The following SLC25A37 variants were observed in gnomAD, a reference collection of about 807,000 sequenced individuals.
SLC25A37 encodes mitoferrin-1.
SLC25A37 carries 17 observed loss-of-function variants against 31.0 expected under a neutral mutation model. That is an observed-to-expected ratio of 0.55 (90% confidence interval 0.38 to 0.82). The LOEUF (loss-of-function observed/expected upper bound fraction) is 0.82. Among genes scored for constraint, SLC25A37 ranks in the 40% least tolerant of loss-of-function variants. The probability of loss-of-function intolerance (pLI) is 0.00; values close to 1 mark genes in which losing one functional copy is unlikely to be tolerated. For missense variants in SLC25A37, 404 were observed against 465.8 expected (o/e 0.87, Z 1.22); for synonymous variants, 222 against 193.0 (o/e 1.15, Z -1.24).
intron 1 of SLC25A37, among the ~76,000 whole-genome samples, chr8:23,533,031 C>T (rs1365626833): frequency 1.3e-5 from 2 of 152,130 alleles, no homozygotes; most frequent in African/African-American, 2.4e-5. Flanking sequence ...TCTCCTCTCC[C>T]TCACATCCCC....
chr8:23,573,009 T>C lies in SLC25A37; in HGVS notation c.*1154T>C, dbSNP rs1020594596. 3.9e-5 allele frequency: 6 copies of C among 152,332 alleles called. No individual in the cohort carries two copies. Among genetic ancestry groups the C allele is most frequent in the South Asian group, 2.1e-4 (1 of 4,836 alleles). 9.4% of individuals were successfully genotyped at this position (152,332 alleles called of 1,614,324 possible). A position where few individuals can be genotyped will look rare whatever the true frequency, so the allele number is the denominator to read the frequency against. On this transcript the variant is annotated 3_prime_UTR_variant, in exon 4 of 4. Transcript: ENST00000519973. ...CAGGCACTTCAGGTAACGTGATCTA[T>C]GTGTGTTTTGACTGAATCTCATCTC... is the stretch of plus-strand genomic sequence containing the variant.
intron 1 of SLC25A37, among the ~76,000 whole-genome samples, chr8:23,561,517 A>C (rs1174956338): frequency 6.6e-6 from 1 of 152,234 alleles, no homozygotes. Context: ...CGATTATTCC[A>C]GCCAAGGATG....
intron 1 of SLC25A37, among the ~76,000 whole-genome samples, chr8:23,532,158 T>G (rs533412548): frequency 6.6e-5 from 10 of 152,346 alleles, no homozygotes; most frequent in Admixed American, 5.9e-4. Context: ...GGAAGACCTT[T>G]GGCAACTTTC....
chr8:23,556,349 T>C (rs1318114445), intron 1 of SLC25A37, among the ~76,000 whole-genome samples: 1 of 151,442 alleles, frequency 6.6e-6, no homozygotes. Context: ...GCCTCCCAAG[T>C]AGCTAAGACC....
intron 1 of SLC25A37, among the ~76,000 whole-genome samples, chr8:23,565,477 CTTGCTT>C (rs1802628543): frequency 7.9e-6 from 1 of 127,366 alleles, no homozygotes; most frequent in African/African-American, 2.5e-5. Context: ...TCTTAACAAA[CTTGCTT>C]TTACTTAAAA....
intron 2 of SLC25A37, 181 bp downstream of exon 2, chr8:23,566,517 C>T (rs1473436481): frequency 7.3e-7 from 1 of 1,361,062 alleles, no homozygotes; most frequent in Non-Finnish European, 9.4e-7. Flanking sequence ...CGCGCGCGCA[C>T]ACACATGCTT....
At chr8:23,530,739 T>C (rs1330018041) in intron 1 of SLC25A37, among the ~76,000 whole-genome samples, 1 of 152,246 alleles carries the variant, frequency 6.6e-6, no homozygotes, top group Non-Finnish European at 1.5e-5. Flanking sequence ...GGAGGTGTTA[T>C]CTGAGCAGGC....
chr8:23,545,080 C>T (rs1214957677), intron 1 of SLC25A37, among the ~76,000 whole-genome samples: 3 of 152,218 alleles, frequency 2.0e-5, no homozygotes, highest in Admixed American at 6.5e-5. Context: ...AAAACATGCT[C>T]ATGTGACGTG....
rs1337961052 is a variant in SLC25A37, at chr8:23,571,338, T to C, written c.500T>C (p.Val167Ala). The part of the protein sequence containing the change: ...HDAVMNPAEV[V>A]KQRLQMYNSQ... ...TGCCCCGCGGTTCCAACCACAGTGG[T>C]GAAGCAGCGCTTGCAGATGTACAAC... is the stretch of plus-strand genomic sequence containing the variant. Residue 167 changes from valine (V) to alanine (A), a missense_variant, in exon 4 of 4, where the codon GTG becomes GCG. By Grantham distance (64) the Val-to-Ala change is moderately conservative. This residue lies in a region of SLC25A37 where 243 missense variants were observed against 284.4 expected (regional missense o/e 0.85). Coordinates refer to ENST00000519973, the MANE Select transcript of SLC25A37 (RefSeq NM_016612.4). 1.1e-5 allele frequency: 17 copies of C among 1,575,132 alleles called. No homozygotes were observed. Among genetic ancestry groups the C allele is most frequent in the Non-Finnish European group, 1.3e-5 (15 of 1,159,692 alleles).
intron 1 of SLC25A37, among the ~76,000 whole-genome samples, chr8:23,536,285 T>C (rs1801766522): frequency 6.6e-6 from 1 of 152,170 alleles, no homozygotes; most frequent in Non-Finnish European, 1.5e-5. Context: ...TGCCCCTTTT[T>C]TTCCTCCTTA....
chr8:23,573,713 CCAAACTGGGTACCT>C lies in SLC25A37; in HGVS notation c.*1860_*1873del. ...TTTTCAGATCAGGGATGGGAAAGAG[CCAAACTGGGTACCT>C]CCCACGTGTGCCCCGTGAACAGCCC... On this transcript the variant is annotated 3_prime_UTR_variant, in exon 4 of 4. Transcript: ENST00000519973. 1 of 438,404 alleles carries C rather than the reference CCAAACTGGGTACCT, an allele frequency of 2.3e-6. No homozygotes were observed. Among genetic ancestry groups the C allele is most frequent in the Non-Finnish European group, 4.7e-6 (1 of 213,646 alleles). 27.2% of individuals were successfully genotyped at this position (438,404 alleles called of 1,614,324 possible). A position where few individuals can be genotyped will look rare whatever the true frequency, so the allele number is the denominator to read the frequency against.
Position 23,571,473 on chromosome 8 carries a change from A to C in SLC25A37, c.635A>C (p.Gln212Pro), listed in dbSNP as rs750983753. 1 of 1,613,964 alleles carries C rather than the reference A, an allele frequency of 6.2e-7. No individual in the cohort carries two copies. The highest frequency in any genetic ancestry group is 1.1e-5 in the South Asian group (1 of 91,084). Residue 212 changes from glutamine to proline, a missense_variant, in exon 4 of 4, where the codon CAG (glutamine) becomes CCG (proline). Gln to Pro is a moderately conservative substitution (Grantham distance 76). Coordinates refer to ENST00000519973, the MANE Select transcript of SLC25A37 (RefSeq NM_016612.4). ...TTQLTMNIPFQSIHFITYEFL... is the reference protein window; with the variant it reads ...TTQLTMNIPFPSIHFITYEFL... The stretch of plus-strand genomic sequence containing the variant: ...CAGCTGACCATGAACATCCCCTTCC[A>C]GTCCATCCACTTCATCACCTATGAG...
intron 1 of SLC25A37, among the ~76,000 whole-genome samples, chr8:23,544,985 A>G (rs543575737): frequency 6.6e-6 from 1 of 152,356 alleles, no homozygotes; most frequent in East Asian, 1.9e-4. Flanking sequence ...AAGCGGTCAC[A>G]TCAGAGGCAT....
chr8:23,546,574 A>AGTG (rs1563256211), intron 1 of SLC25A37, among the ~76,000 whole-genome samples: 1 of 52,072 alleles, frequency 1.9e-5, no homozygotes, highest in East Asian at 6.7e-4. Context: ...ATATATATAT[A>AGTG]TATATATAGT....
At chr8:23,545,785 G>A (rs1802019647) in intron 1 of SLC25A37, among the ~76,000 whole-genome samples, 2 of 152,042 alleles carry the variant, frequency 1.3e-5, no homozygotes, top group Admixed American at 6.6e-5. Context: ...GATTGCTGGC[G>A]GACAGCAGTT....
Position 23,564,530 on chromosome 8 carries a change from G to A in SLC25A37, c.211-1578G>A, listed in dbSNP as rs563675371. 4.0e-5 allele frequency among the ~76,000 whole-genome samples: 6 copies of A among 151,856 alleles called. No individual in the cohort carries two copies. In the South Asian group the frequency reaches 6.3e-4, roughly 16 times the overall value. On this transcript the variant is annotated intron_variant, in intron 1 of 3. Coordinates refer to ENST00000519973, the MANE Select transcript of SLC25A37 (RefSeq NM_016612.4). ...GAAGGGTGGGAGGAAGGAAAGGAGG[G>A]AGGCAGGAAAGAAGGAAGGGAGGAA...
intron 1 of SLC25A37, among the ~76,000 whole-genome samples, chr8:23,547,382 G>T (rs1220790600): frequency 1.3e-5 from 2 of 152,196 alleles, no homozygotes; most frequent in African/African-American, 4.8e-5. Flanking sequence ...TTGCATTTTA[G>T]GGTGAATTGT....
intron 1 of SLC25A37, among the ~76,000 whole-genome samples, chr8:23,550,509 C>G (rs1802194702): frequency 6.6e-6 from 1 of 152,250 alleles, no homozygotes; most frequent in African/African-American, 2.4e-5. Flanking sequence ...GAAGGTGTGG[C>G]CTCCGCCAAG....
At chr8:23,554,666 C>T (rs949063774) in intron 1 of SLC25A37, among the ~76,000 whole-genome samples, 2 of 152,082 alleles carry the variant, frequency 1.3e-5, no homozygotes, top group Non-Finnish European at 2.9e-5. Flanking sequence ...TTCCTAGGGT[C>T]GGGGGATGTG....
Sources: gnomAD v4.1 joint callset for allele counts (sites outside exome capture counted in the v4.1 genomes callset) on GRCh38, gnomAD v4.1.1 for gene constraint, gnomAD v4.1.1 regional missense constraint, MANE v1.5 for transcripts, NCBI Gene and HGNC (gene_info 2026-07-23, HGNC 2026-07-21) for gene names.